Variants in TAF3 observed in about 807,000 individuals in gnomAD.
TAF3 encodes the protein TATA-box binding protein associated factor 3.
In TAF3, 7 loss-of-function variants were observed where a neutral mutation model predicts 80.6. That is an observed-to-expected ratio of 0.09 (90% CI 0.05 to 0.16). TAF3 has a LOEUF of 0.16. Ranked by LOEUF, TAF3 falls within the 10% of genes least tolerant of loss-of-function variation. The probability of loss-of-function intolerance (pLI) is 1.00; values close to 1 mark genes in which losing one functional copy is unlikely to be tolerated. For missense variants in TAF3, 921 were observed against 1,140.2 expected (o/e 0.81, Z 2.77); for synonymous variants, 444 against 446.1 (o/e 1.00, Z 0.06).
At chr10:7,922,869 A>C (rs1302371415) in intron 2 of TAF3, among the ~76,000 whole-genome samples, 1 of 152,088 alleles carries the variant, frequency 6.6e-6, no homozygotes, top group Non-Finnish European at 1.5e-5. Flanking sequence ...AAAGCAGTTA[A>C]AATGCATAAT....
intron 2 of TAF3, 151 bp downstream of exon 2, chr10:7,824,711 C>T (rs1836724480): frequency 9.8e-7 from 1 of 1,024,990 alleles, no homozygotes; most frequent in Non-Finnish European, 1.4e-6. Flanking sequence ...CTTAAACCAA[C>T]AAACTTGCAA....
chr10:7,819,029 G>C (rs1156345689), intron 1 of TAF3, among the ~76,000 whole-genome samples, 154 bp downstream of exon 1: 1 of 151,992 alleles, frequency 6.6e-6, no homozygotes, highest in African/African-American at 2.4e-5. Flanking sequence ...GGCTTCCACT[G>C]CCGCTCCAAA....
chr10:7,895,904 G>A (rs1453787337), intron 2 of TAF3, among the ~76,000 whole-genome samples: 2 of 152,204 alleles, frequency 1.3e-5, no homozygotes, highest in East Asian at 3.8e-4. Flanking sequence ...GTTATCACGT[G>A]ACAGGAATCA....
At chr10:8,012,262 G>A (rs551702335) in intron 5 of TAF3, among the ~76,000 whole-genome samples, 1 of 152,210 alleles carries the variant, frequency 6.6e-6, no homozygotes, top group Non-Finnish European at 1.5e-5. Flanking sequence ...TTATGATTTA[G>A]ATGACATACA....
intron 2 of TAF3, among the ~76,000 whole-genome samples, chr10:7,859,683 C>T (rs1011709904): frequency 3.3e-5 from 5 of 152,278 alleles, no homozygotes; most frequent in Non-Finnish European, 7.4e-5. Flanking sequence ...ACTTTTCCGC[C>T]GGGGCATTAT....
At chr10:7,959,111 G>T (rs1440201683) in intron 2 of TAF3, among the ~76,000 whole-genome samples, 2 of 149,882 alleles carry the variant, frequency 1.3e-5, no homozygotes, top group African/African-American at 4.9e-5. Context: ...TTGCACCCTA[G>T]CCTGGGTGAC....
At chr10:7,885,884 A>C (rs1335967561) in intron 2 of TAF3, among the ~76,000 whole-genome samples, 1 of 152,002 alleles carries the variant, frequency 6.6e-6, no homozygotes, top group Non-Finnish European at 1.5e-5. Context: ...TAGGGTTTTA[A>C]GTTTGGAGAA....
At chr10:7,979,185 A>G (rs1831700747) in intron 4 of TAF3, among the ~76,000 whole-genome samples, 1 of 152,022 alleles carries the variant, frequency 6.6e-6, no homozygotes, top group South Asian at 2.1e-4. Flanking sequence ...TCTACTAAAA[A>G]TACAAAAAAT....
rs137978283 is a variant in TAF3, at chr10:8,009,742, C to T, written c.2568+412C>T. On this transcript the variant is annotated intron_variant, in intron 5 of 6. Coordinates refer to ENST00000344293, the MANE Select transcript of TAF3 (RefSeq NM_031923.4). This position sits in a 1 kb window ranked among gnomAD's most constrained non-coding sequence, Gnocchi z 4.1. ...GTTCAAGCGATTCTCCTGCCTCAGC[C>T]TCCTGAGTAGCTGGGATTACAGGCA... Among the ~76,000 whole-genome samples the T allele has an allele frequency of 5.4e-3, 818 of 152,172 alleles. 7 individuals are homozygous for T. Among genetic ancestry groups the T allele is most frequent in the African/African-American group, 0.019 (795 of 41,498 alleles).
intron 2 of TAF3, among the ~76,000 whole-genome samples, chr10:7,919,415 A>G (rs1361459766): frequency 6.6e-6 from 1 of 152,114 alleles, no homozygotes; most frequent in Non-Finnish European, 1.5e-5. Flanking sequence ...ACTTAGGGTC[A>G]TTGTACACGT....
At chr10:7,879,468 C>T (rs996032759) in intron 2 of TAF3, among the ~76,000 whole-genome samples, 3 of 152,078 alleles carry the variant, frequency 2.0e-5, no homozygotes, top group Non-Finnish European at 4.4e-5. Context: ...CATCTTTGTA[C>T]AAGATTAAAA....
At chr10:7,902,478 G>A (rs921830036) in intron 2 of TAF3, among the ~76,000 whole-genome samples, 1 of 152,078 alleles carries the variant, frequency 6.6e-6, no homozygotes, top group African/African-American at 2.4e-5. Context: ...TAAGAGTCCG[G>A]GCCAATATTG....
chr10:7,954,106 T>G (rs1322041558), intron 2 of TAF3, among the ~76,000 whole-genome samples: 3 of 133,778 alleles, frequency 2.2e-5, no homozygotes, highest in Non-Finnish European at 4.8e-5. Context: ...AGATTTAGAG[T>G]GCACTCCATA....
chr10:7,980,244 A>G (rs1309615884), intron 4 of TAF3, among the ~76,000 whole-genome samples: 1 of 152,194 alleles, frequency 6.6e-6, no homozygotes, highest in Non-Finnish European at 1.5e-5. Flanking sequence ...GGAAAAACGA[A>G]AAAGCTTTAC....
chr10:7,866,460 C>T (rs1224893345), intron 2 of TAF3, among the ~76,000 whole-genome samples: 3 of 152,192 alleles, frequency 2.0e-5, no homozygotes, highest in Admixed American at 2.0e-4. Context: ...GAGAGCCAGT[C>T]ATCGTGACCA....
At chr10:7,928,688 G>T (rs114618073) in intron 2 of TAF3, among the ~76,000 whole-genome samples, 1,690 of 152,212 alleles carry the variant, frequency 0.011, 33 homozygotes, top group African/African-American at 0.038. Flanking sequence ...TTCCTTCTGG[G>T]GTTGTCTGTC....
chr10:7,881,177 A>G (rs1206141932), intron 2 of TAF3, among the ~76,000 whole-genome samples: 1 of 144,442 alleles, frequency 6.9e-6, no homozygotes, highest in Non-Finnish European at 1.5e-5. Flanking sequence ...TCAAGATTGC[A>G]GTGAGCCATG....
At chr10:7,894,916 C>T (rs1169164018) in intron 2 of TAF3, among the ~76,000 whole-genome samples, 1 of 152,106 alleles carries the variant, frequency 6.6e-6, no homozygotes, top group Non-Finnish European at 1.5e-5. Flanking sequence ...GACTCTGCCA[C>T]CCAGGCTGGA....
rs34833399 is a variant in TAF3, at chr10:8,007,562, TTATATATATATATATATATATATATA to T, written c.2316-1493_2316-1468del. ...TATATTGTTTTCTCTGTGTGTGAAA[TTATATATATATATATATATATATATA>T]TATATATATATATATATATATACCT... On this transcript the variant is annotated intron_variant, in intron 4 of 6. Coordinates refer to ENST00000344293, the MANE Select transcript of TAF3 (RefSeq NM_031923.4). 6.2e-3 allele frequency among the ~76,000 whole-genome samples: 373 copies of T among 60,528 alleles called. 7 individuals carry two copies. Among genetic ancestry groups the T allele is most frequent in the South Asian group, 0.02 (21 of 1,060 alleles). 39.7% of individuals were successfully genotyped at this position (60,528 alleles called of 152,430 possible).
Sources: gnomAD v4.1 joint callset for allele counts (sites outside exome capture counted in the v4.1 genomes callset) on GRCh38, gnomAD v4.1.1 for gene constraint, Gnocchi (gnomAD v3.1) non-coding constraint, MANE v1.5 for transcripts, NCBI Gene and HGNC (gene_info 2026-07-23, HGNC 2026-07-21) for gene names.